Variants in MARK1 observed in about 807,000 individuals in gnomAD.
MARK1 encodes the protein serine/threonine-protein kinase MARK1.
In MARK1, 40 loss-of-function variants were observed where a neutral mutation model predicts 96.3. That is an observed-to-expected ratio of 0.42 (90% confidence interval 0.32 to 0.54). MARK1 has a LOEUF of 0.54. MARK1 is among the 20% of genes least tolerant of loss of function. MARK1 has a pLI of 0.16. For synonymous variants in MARK1, 317 were observed against 341.2 expected, an observed-to-expected ratio of 0.93 and a Z score of 0.78; for missense variants, 719 against 984.6, an observed-to-expected ratio of 0.73 and a Z score of 3.61.
intron 13 of MARK1, 77 bp downstream of exon 13, chr1:220,636,103 A>AT (rs1667948897): frequency 9.8e-7 from 1 of 1,023,084 alleles, no homozygotes; most frequent in Non-Finnish European, 1.4e-6. Context: ...TTTATCTTTC[A>AT]TTTTTTTAAA....
intron 5 of MARK1, among the ~76,000 whole-genome samples, chr1:220,600,892 C>CTT (rs11417176): frequency 8.1e-4 from 117 of 144,218 alleles, no homozygotes; most frequent in South Asian, 3.1e-3. Context: ...TTTTCTTTTT[C>CTT]TTTTTTTTTT....
rs147561482 is a variant in MARK1 at position 220,592,052 on chromosome 1, T to C, written c.310-6279T>C. On this transcript the variant is annotated intron_variant, in intron 3 of 17. Transcript: ENST00000366917. ...AACAAACATGTACTTCATTGGTTTA[T>C]GTAAAATTTGTATTGGACAGACTTT... Among the ~76,000 whole-genome samples the C allele has an allele frequency of 4.6e-3, 696 of 152,004 alleles. 6 individuals are homozygous for C. The highest frequency in any genetic ancestry group is 0.015 in the African/African-American group (630 of 41,450).
intron 9 of MARK1, among the ~76,000 whole-genome samples, chr1:220,629,669 C>CTACTT (rs1429986690): frequency 6.6e-6 from 1 of 152,110 alleles, no homozygotes; most frequent in East Asian, 1.9e-4. Flanking sequence ...ATGAGTTTAA[C>CTACTT]TACTTTAGAT....
At chr1:220,657,750 T>C (rs1669253453) in intron 16 of MARK1, 40 bp from the exon 17 acceptor site, 1 of 1,454,490 alleles carries the variant, frequency 6.9e-7, no homozygotes, top group Non-Finnish European at 9.2e-7. Flanking sequence ...ATATATTTTT[T>C]ACTTTTATCA....
At chr1:220,532,048 A>G (rs1057444263) in intron 1 of MARK1, among the ~76,000 whole-genome samples, 1 of 152,194 alleles carries the variant, frequency 6.6e-6, no homozygotes, top group African/African-American at 2.4e-5. Context: ...TATGCTAATT[A>G]TTAATGGGTC....
At chr1:220,627,986 T>G (rs1271017743) in intron 9 of MARK1, 1 of 152,226 alleles carries the variant, frequency 6.6e-6, no homozygotes, top group Non-Finnish European at 1.5e-5. Flanking sequence ...TCTAGTTTCC[T>G]TTTTGAGATA....
At chr1:220,551,663 G>A (rs1661864237) in intron 1 of MARK1, among the ~76,000 whole-genome samples, 1 of 151,988 alleles carries the variant, frequency 6.6e-6, no homozygotes, top group African/African-American at 2.4e-5. Context: ...TTAACACTTT[G>A]ATGTTGAATG....
chr1:220,644,459 C>A (rs373282144), intron 13 of MARK1, among the ~76,000 whole-genome samples: 9,213 of 137,742 alleles, frequency 0.067, 736 homozygotes, highest in African/African-American at 0.17. Context: ...ACCCCCCCCC[C>A]CCCACACACA....
chr1:220,566,465 A>G (rs953144059), intron 1 of MARK1, among the ~76,000 whole-genome samples: 2 of 152,166 alleles, frequency 1.3e-5, no homozygotes, highest in African/African-American at 4.8e-5. Context: ...TTGTACTTGA[A>G]ACTATTATTG....
At chr1:220,642,568 G>A (rs1056837466) in intron 13 of MARK1, among the ~76,000 whole-genome samples, 1 of 152,170 alleles carries the variant, frequency 6.6e-6, no homozygotes, top group Non-Finnish European at 1.5e-5. Context: ...AAGAGTCTGG[G>A]CGTTCAGAAT....
At chr1:220,557,036 G>A (rs1662314717) in intron 1 of MARK1, among the ~76,000 whole-genome samples, 2 of 152,116 alleles carry the variant, frequency 1.3e-5, no homozygotes, top group Admixed American at 6.5e-5. Flanking sequence ...AGAGATACAT[G>A]TCTTCAGATT....
chr1:220,552,183 A>G (rs1164571347), intron 1 of MARK1, among the ~76,000 whole-genome samples: 13 of 152,140 alleles, frequency 8.5e-5, no homozygotes, highest in Admixed American at 8.5e-4. Flanking sequence ...CTTGCCATTT[A>G]ATGGACCATT....
chr1:220,638,117 AT>A (rs35224257), intron 13 of MARK1, among the ~76,000 whole-genome samples: 443 of 140,402 alleles, frequency 3.2e-3, no homozygotes, highest in Admixed American at 3.7e-3. Flanking sequence ...TGGGGCTTAA[AT>A]TTTTTTTTTT....
chr1:220,636,996 G>T (rs1227890792), intron 13 of MARK1, among the ~76,000 whole-genome samples: 1 of 151,974 alleles, frequency 6.6e-6, no homozygotes, highest in Non-Finnish European at 1.5e-5. Context: ...TATTTTTAAA[G>T]TATTGAAAGA....
intron 13 of MARK1, among the ~76,000 whole-genome samples, chr1:220,642,951 G>T (rs1028144362): frequency 6.6e-6 from 1 of 152,060 alleles, no homozygotes; most frequent in Non-Finnish European, 1.5e-5. Flanking sequence ...CCATCCAAAG[G>T]TCAACAGCCT....
At chr1:220,574,656 C>T (rs1663710714) in intron 1 of MARK1, among the ~76,000 whole-genome samples, 1 of 152,154 alleles carries the variant, frequency 6.6e-6, no homozygotes, top group African/African-American at 2.4e-5. Flanking sequence ...TATGGCTCTT[C>T]AGAGCCTTCA....
At chr1:220,628,899 T>C (rs568194382) in intron 9 of MARK1, among the ~76,000 whole-genome samples, 1 of 148,208 alleles carries the variant, frequency 6.7e-6, no homozygotes, top group African/African-American at 2.6e-5. Flanking sequence ...CTGGGCAACA[T>C]AGTGAGACCC....
chr1:220,567,953 T>C (rs1275400816), intron 1 of MARK1, among the ~76,000 whole-genome samples: 1 of 152,170 alleles, frequency 6.6e-6, no homozygotes, highest in Non-Finnish European at 1.5e-5. Flanking sequence ...TTACTTCAGT[T>C]GTTTTATATG....
chr1:220,539,480 A>G (rs1660978606), intron 1 of MARK1, among the ~76,000 whole-genome samples: 1 of 152,112 alleles, frequency 6.6e-6, no homozygotes, highest in Non-Finnish European at 1.5e-5. Flanking sequence ...CCAGTATTCT[A>G]TTGAGGATTT....
Sources: gnomAD v4.1 joint callset for allele counts (sites outside exome capture counted in the v4.1 genomes callset) on GRCh38, gnomAD v4.1.1 for gene constraint, MANE v1.5 for transcripts, NCBI Gene and HGNC (gene_info 2026-07-23, HGNC 2026-07-21) for gene names.